Variants in TIMP2 observed in about 807,000 individuals in gnomAD.
The protein encoded by TIMP2 is metalloproteinase inhibitor 2.
A neutral mutation model predicts 24.3 loss-of-function variants in TIMP2; 5 were observed. That is an observed-to-expected ratio of 0.21 (90% CI 0.11 to 0.43). The LOEUF (loss-of-function observed/expected upper bound fraction) is 0.43. TIMP2 is among the 20% of genes least tolerant of loss of function. The probability of loss-of-function intolerance (pLI) is 1.00; values close to 1 mark genes in which losing one functional copy is unlikely to be tolerated. For synonymous variants in TIMP2, 130 were observed against 123.2 expected, an observed-to-expected ratio of 1.06 and a Z score of -0.37; for missense variants, 221 against 297.5, an observed-to-expected ratio of 0.74 and a Z score of 1.89.
intron 1 of TIMP2, among the ~76,000 whole-genome samples, chr17:78,878,730 T>C (rs1225850608): frequency 7.5e-6 from 1 of 133,962 alleles, no homozygotes; most frequent in Non-Finnish European, 1.6e-5. Context: ...GAAGTGGGGG[T>C]GAGGGGCAGG....
intron 1 of TIMP2, among the ~76,000 whole-genome samples, chr17:78,881,607 G>T (rs2069781296): frequency 6.6e-6 from 1 of 152,246 alleles, no homozygotes; most frequent in African/African-American, 2.4e-5. Flanking sequence ...GGTTCATTTG[G>T]CTCTGGGTGG....
At chr17:78,901,473 C>T (rs957394306) in intron 1 of TIMP2, among the ~76,000 whole-genome samples, 2 of 151,900 alleles carry the variant, frequency 1.3e-5, no homozygotes, top group Admixed American at 6.6e-5. Context: ...GAGAAGAGGC[C>T]GCAGGCTTGG....
intron 1 of TIMP2, among the ~76,000 whole-genome samples, chr17:78,911,007 C>T (rs759975996): frequency 6.6e-6 from 1 of 152,128 alleles, no homozygotes; most frequent in Non-Finnish European, 1.5e-5. Context: ...ATCATATGGC[C>T]GTTCTATTTG....
intron 1 of TIMP2, among the ~76,000 whole-genome samples, chr17:78,913,614 G>A (rs1048100320): frequency 4.6e-5 from 7 of 152,132 alleles, no homozygotes; most frequent in African/African-American, 1.7e-4. Flanking sequence ...GAGAAGCTGA[G>A]GTAGGAGGAC....
chr17:78,885,046 C>G (rs117539110), intron 1 of TIMP2, among the ~76,000 whole-genome samples: 1 of 152,206 alleles, frequency 6.6e-6, no homozygotes, highest in Non-Finnish European at 1.5e-5. Flanking sequence ...TGCTGGCCCC[C>G]CTCAGCCCAT....
chr17:78,912,915 T>C (rs1431795233), intron 1 of TIMP2, among the ~76,000 whole-genome samples: 1 of 152,108 alleles, frequency 6.6e-6, no homozygotes, highest in Non-Finnish European at 1.5e-5. Flanking sequence ...AAAACTTTAT[T>C]TGCACTAGGC....
In TIMP2 at chr17:78,920,795, G is replaced by A. The variant is rs1017223973; in HGVS notation, c.130+4164C>T. 9.9e-4 allele frequency among the ~76,000 whole-genome samples: 150 copies of A among 152,112 alleles called. 1 individual carries two copies. The highest frequency in any genetic ancestry group is 9.8e-4 in the Admixed American group (15 of 15,274). ...ATACCACACCTGGGCAGTTGAGGAG[G>A]GGAGGCCTGCTCACCACGCCGGGCA... On this transcript the variant is annotated intron_variant, in intron 1 of 4. Transcript: ENST00000262768. The surrounding 1 kb of genome is among the most constrained non-coding windows in gnomAD (Gnocchi z 4.5).
At chr17:78,886,828 G>C (rs8068325) in intron 1 of TIMP2, among the ~76,000 whole-genome samples, 2,491 of 152,244 alleles carry the variant, frequency 0.016, 73 homozygotes, top group African/African-American at 0.053. Flanking sequence ...AGGTTCAAGA[G>C]ATCATCCCAC....
chr17:78,913,009 A>T (rs963397457), intron 1 of TIMP2, among the ~76,000 whole-genome samples: 1 of 152,136 alleles, frequency 6.6e-6, no homozygotes, highest in African/African-American at 2.4e-5. Flanking sequence ...GTTCCAGACC[A>T]GCCTGGCCAA....
At chr17:78,887,471 G>A (rs979541112) in intron 1 of TIMP2, among the ~76,000 whole-genome samples, 23 of 152,144 alleles carry the variant, frequency 1.5e-4, no homozygotes, top group African/African-American at 4.3e-4. Context: ...TGCAACCTCC[G>A]CCTCCTGGGT....
At chr17:78,857,351 GT>G (rs2069531886) in intron 4 of TIMP2, 170 bp downstream of exon 4, 3 of 874,632 alleles carry the variant, frequency 3.4e-6, no homozygotes, top group Non-Finnish European at 3.5e-6. Context: ...CAAAGGCTCT[GT>G]CCCCAGCCAG....
chr17:78,914,956 G>A (rs2070243898), intron 1 of TIMP2, among the ~76,000 whole-genome samples: 2 of 150,940 alleles, frequency 1.3e-5, no homozygotes, highest in Admixed American at 6.6e-5. Flanking sequence ...GCATGCAGTG[G>A]CACGATCTCG....
intron 1 of TIMP2, chr17:78,902,069 A>G (rs541259270): frequency 1.6e-5 from 8 of 493,778 alleles, no homozygotes; most frequent in East Asian, 6.7e-5. Flanking sequence ...CTTCTCCCCA[A>G]CTCTTAGCCA....
chr17:78,891,679 C>G lies in TIMP2; in HGVS notation c.131-17760G>C. 6.4e-7 allele frequency: 1 copy of G among 1,551,154 alleles called. No homozygotes were observed. Among genetic ancestry groups the G allele is most frequent in the Admixed American group, 2.0e-5 (1 of 51,002 alleles). On this transcript the variant is annotated intron_variant, in intron 1 of 4. Coordinates refer to ENST00000262768, the MANE Select transcript of TIMP2 (RefSeq NM_003255.5). This position sits in a 1 kb window ranked among gnomAD's most constrained non-coding sequence, Gnocchi z 4.5. ...CCTTTCCCAGTTGCCTCCTCCCCGC[C>G]CGAGCTGTTCCTTTCTCTTTTTCCT... is the stretch of plus-strand genomic sequence containing the variant.
At chr17:78,916,235 G>A (rs745928013) in intron 1 of TIMP2, among the ~76,000 whole-genome samples, 31 of 152,202 alleles carry the variant, frequency 2.0e-4, no homozygotes, top group Non-Finnish European at 3.7e-4. Flanking sequence ...CACCTGTCCC[G>A]GATCGCTCTG....
At chr17:78,898,045 C>G (rs1401493301) in intron 1 of TIMP2, 1 of 152,256 alleles carries the variant, frequency 6.6e-6, no homozygotes, top group Non-Finnish European at 1.5e-5. Context: ...GATTTCCCCT[C>G]TGAGCTCACA....
intron 2 of TIMP2, 76 bp from the exon 3 acceptor site, chr17:78,871,082 C>T: frequency 1.6e-6 from 2 of 1,254,562 alleles, no homozygotes; most frequent in South Asian, 1.3e-5. Context: ...ATCCAGAACA[C>T]CCTGGGCGGC....
chr17:78,897,407 C>T (rs1204135037), intron 1 of TIMP2: 7 of 152,242 alleles, frequency 4.6e-5, no homozygotes. Context: ...TGGCCGCCCA[C>T]CCCAGTCCCC....
At chr17:78,906,787 T>A (rs1016406809) in intron 1 of TIMP2, among the ~76,000 whole-genome samples, 53 of 152,182 alleles carry the variant, frequency 3.5e-4, no homozygotes, top group African/African-American at 1.2e-3. Context: ...TTTACCATGT[T>A]GGCCAGGCTG....
Sources: gnomAD v4.1 joint callset for allele counts (sites outside exome capture counted in the v4.1 genomes callset) on GRCh38, gnomAD v4.1.1 for gene constraint, Gnocchi (gnomAD v3.1) non-coding constraint, MANE v1.5 for transcripts, NCBI Gene and HGNC (gene_info 2026-07-23, HGNC 2026-07-21) for gene names.